Variants in PPFIBP1 observed in about 807,000 individuals in gnomAD.
PPFIBP1 encodes the protein liprin-beta-1.
PPFIBP1 carries 112 observed loss-of-function variants against 137.8 expected under a neutral mutation model. The observed-to-expected ratio is 0.81, with a 90% confidence interval of 0.70 to 0.95. PPFIBP1 has a LOEUF of 0.95. Ranked by LOEUF, PPFIBP1 falls within the 40% of genes least tolerant of loss-of-function variation. PPFIBP1 has a pLI of 0.00. For missense variants in PPFIBP1, 1,083 were observed against 1,196.6 expected (o/e 0.91, Z 1.40); for synonymous variants, 378 against 417.3 (o/e 0.91, Z 1.15).
At chr12:27,583,763 A>G (rs1048386452) in intron 2 of PPFIBP1, among the ~76,000 whole-genome samples, 3 of 152,224 alleles carry the variant, frequency 2.0e-5, no homozygotes, top group African/African-American at 7.2e-5. Flanking sequence ...AGCCAGCAGA[A>G]CAGCAATCTC....
At chr12:27,551,237 C>T (rs1344072700) in intron 1 of PPFIBP1, among the ~76,000 whole-genome samples, 1 of 152,128 alleles carries the variant, frequency 6.6e-6, no homozygotes, top group Non-Finnish European at 1.5e-5. Flanking sequence ...GCTCCAGGAG[C>T]ACCTAACCCA....
At chr12:27,672,558 C>T in intron 15 of PPFIBP1, 75 bp downstream of exon 15, 2 of 1,077,774 alleles carry the variant, frequency 1.9e-6, no homozygotes, top group East Asian at 5.0e-5. Flanking sequence ...CTAACAATTA[C>T]TAATATTAAC....
At chr12:27,657,020 A>T in intron 9 of PPFIBP1, 1 of 240,294 alleles carries the variant, frequency 4.2e-6, no homozygotes, top group South Asian at 6.6e-5. Context: ...TTGCGATGCA[A>T]GGGAATTTGT....
intron 1 of PPFIBP1, among the ~76,000 whole-genome samples, chr12:27,535,946 G>C (rs575650270): frequency 6.6e-6 from 1 of 152,128 alleles, no homozygotes; most frequent in East Asian, 1.9e-4. Context: ...CTTTTGTGCC[G>C]TCATTTTCAG....
chr12:27,663,466 G>A (rs1377096148), intron 11 of PPFIBP1, among the ~76,000 whole-genome samples: 1 of 152,144 alleles, frequency 6.6e-6, no homozygotes, highest in East Asian at 1.9e-4. Context: ...AATAAAAATC[G>A]AAGAAAAGAA....
chr12:27,562,499 A>C (rs1299634140), intron 1 of PPFIBP1, among the ~76,000 whole-genome samples: 4 of 152,214 alleles, frequency 2.6e-5, no homozygotes, highest in African/African-American at 9.6e-5. Flanking sequence ...ATAATTTGTT[A>C]ACCTGGGCTT....
At chr12:27,600,729 T>C (rs1366005965) in intron 2 of PPFIBP1, among the ~76,000 whole-genome samples, 1 of 152,206 alleles carries the variant, frequency 6.6e-6, no homozygotes, top group African/African-American at 2.4e-5. Context: ...CAAAAACTTA[T>C]GGAAATTTGA....
intron 2 of PPFIBP1, among the ~76,000 whole-genome samples, chr12:27,594,364 G>T (rs182363372): frequency 9.5e-4 from 144 of 152,186 alleles, no homozygotes; most frequent in African/African-American, 3.0e-3. Flanking sequence ...TTTTAGTGGA[G>T]ATGGGGTTTC....
intron 1 of PPFIBP1, among the ~76,000 whole-genome samples, chr12:27,525,728 T>C (rs1943671241): frequency 6.6e-6 from 1 of 152,086 alleles, no homozygotes; most frequent in Non-Finnish European, 1.5e-5. Flanking sequence ...GCCACAACAG[T>C]AGGTCTAGTA....
intron 14 of PPFIBP1, among the ~76,000 whole-genome samples, chr12:27,671,747 G>A (rs538890229): frequency 6.6e-6 from 1 of 152,258 alleles, no homozygotes; most frequent in South Asian, 2.1e-4. Flanking sequence ...GATCAGGCTG[G>A]GGAGGTAGGG....
intron 1 of PPFIBP1, among the ~76,000 whole-genome samples, chr12:27,539,934 A>T (rs765501874): frequency 6.6e-6 from 1 of 152,082 alleles, no homozygotes; most frequent in Non-Finnish European, 1.5e-5. Flanking sequence ...AAAACTTCAC[A>T]TTGTTTTATT....
intron 1 of PPFIBP1, among the ~76,000 whole-genome samples, chr12:27,563,169 T>C (rs766584998): frequency 5.4e-5 from 8 of 147,398 alleles, no homozygotes; most frequent in Non-Finnish European, 1.0e-4. Flanking sequence ...AGGCCAGGTG[T>C]GGTGGCTCAC....
chr12:27,658,140 A>G (rs2059329924), intron 9 of PPFIBP1, among the ~76,000 whole-genome samples: 1 of 4,572 alleles, frequency 2.2e-4, no homozygotes. Flanking sequence ...CTGTCTCTGA[A>G]AAAAAAAAAA....
chr12:27,533,560 A>G (rs1201400354), intron 1 of PPFIBP1, among the ~76,000 whole-genome samples: 6 of 152,194 alleles, frequency 3.9e-5, no homozygotes, highest in African/African-American at 9.7e-5. Flanking sequence ...TACCTCTGGC[A>G]TGGTTCTGTA....
chr12:27,565,203 G>A (rs1001570029), intron 1 of PPFIBP1, among the ~76,000 whole-genome samples: 9 of 152,286 alleles, frequency 5.9e-5, no homozygotes, highest in Middle Eastern at 3.4e-3. Context: ...AGGGGCCATC[G>A]AAATTATTGA....
intron 1 of PPFIBP1, among the ~76,000 whole-genome samples, chr12:27,564,982 T>C (rs1309172621): frequency 1.3e-5 from 2 of 152,224 alleles, no homozygotes; most frequent in Admixed American, 6.5e-5. Flanking sequence ...GAATCACTGC[T>C]GTCTCTTCAG....
chr12:27,624,779 G>T (rs1452609796), intron 2 of PPFIBP1, among the ~76,000 whole-genome samples: 1 of 152,130 alleles, frequency 6.6e-6, no homozygotes, highest in East Asian at 1.9e-4. Context: ...TTGTGAGGGT[G>T]GTTAAAGTAA....
At chr12:27,672,033 T>G (rs965414738) in intron 14 of PPFIBP1, among the ~76,000 whole-genome samples, 1 of 151,868 alleles carries the variant, frequency 6.6e-6, no homozygotes, top group East Asian at 1.9e-4. Context: ...ATCACATCAC[T>G]CTACTCCAGC....
At chr12:27,639,074 C>T (rs530154653) in intron 4 of PPFIBP1, among the ~76,000 whole-genome samples, 1 of 152,298 alleles carries the variant, frequency 6.6e-6, no homozygotes, top group East Asian at 1.9e-4. Flanking sequence ...TATGATCAGA[C>T]ACTGAATGTG....
Sources: gnomAD v4.1 joint callset for allele counts (sites outside exome capture counted in the v4.1 genomes callset) on GRCh38, gnomAD v4.1.1 for gene constraint, MANE v1.5 for transcripts, NCBI Gene and HGNC (gene_info 2026-07-23, HGNC 2026-07-21) for gene names.